The following PTPRK variants were observed in gnomAD, a reference collection of about 807,000 sequenced individuals.
The protein encoded by PTPRK is protein tyrosine phosphatase receptor type K.
In PTPRK, 75 loss-of-function variants were observed where a neutral mutation model predicts 178.0. The ratio of observed to expected loss-of-function variants is 0.42; its 90% CI spans 0.35 to 0.51. The LOEUF is 0.51. Among genes scored for constraint, PTPRK ranks in the 20% least tolerant of loss-of-function variants. The pLI, the probability that PTPRK is intolerant of heterozygous loss-of-function variation, is 0.02. For synonymous variants in PTPRK, 637 were observed against 620.6 expected (o/e 1.03, Z -0.39); for missense variants, 1,441 against 1,797.8 (o/e 0.80, Z 3.59).
chr6:128,055,978 T>A (rs1779818949), intron 13 of PTPRK, among the ~76,000 whole-genome samples: 1 of 151,134 alleles, frequency 6.6e-6, no homozygotes, highest in African/African-American at 2.4e-5. Context: ...CGCTTTTTTT[T>A]CTTTTTCTTT....
At chr6:128,340,732 G>T in intron 2 of PTPRK, 1 of 452,274 alleles carries the variant, frequency 2.2e-6, no homozygotes, top group South Asian at 1.8e-5. Flanking sequence ...AATGCAAATA[G>T]ATTTAAGAGT....
intron 16 of PTPRK, among the ~76,000 whole-genome samples, chr6:127,998,204 G>T (rs775236975): frequency 1.2e-4 from 18 of 152,036 alleles, no homozygotes; most frequent in South Asian, 4.1e-4. Context: ...TACTAGATTT[G>T]CAGTGCTCTA....
chr6:128,410,551 A>G (rs1398516700), intron 1 of PTPRK, among the ~76,000 whole-genome samples: 1 of 152,240 alleles, frequency 6.6e-6, no homozygotes, highest in Admixed American at 6.5e-5. Flanking sequence ...ATTAAAAATC[A>G]CTATGAATGA....
At position 128,492,808 on chromosome 6, in the gene PTPRK, AC is replaced by A. The variant is rs566171726; in HGVS notation, c.100+27450del. Among the ~76,000 whole-genome samples the A allele has an allele frequency of 9.9e-5, 15 of 152,208 alleles. No homozygotes were observed. In the South Asian group the frequency reaches 2.9e-3, roughly 29 times the overall value. On this transcript the variant is annotated intron_variant, in intron 1 of 29. Transcript: ENST00000368226. ...CATCTCCCAATCTTTGCATATGGAA[AC>A]CCTTGCCTTCCAAAAACCCCTTGCT... is the stretch of plus-strand genomic sequence containing the variant.
intron 7 of PTPRK, among the ~76,000 whole-genome samples, chr6:128,112,891 G>A (rs1465975630): frequency 6.6e-6 from 1 of 152,004 alleles, no homozygotes; most frequent in Non-Finnish European, 1.5e-5. Flanking sequence ...AACTCATGTC[G>A]GTAACTGAAT....
At chr6:128,304,025 A>C (rs912520414) in intron 3 of PTPRK, among the ~76,000 whole-genome samples, 3 of 152,176 alleles carry the variant, frequency 2.0e-5, no homozygotes, top group Non-Finnish European at 1.5e-5. Context: ...TTTGGAGCCC[A>C]GGACTTATGC....
At chr6:128,464,826 A>G (rs1388121390) in intron 1 of PTPRK, among the ~76,000 whole-genome samples, 1 of 146,514 alleles carries the variant, frequency 6.8e-6, no homozygotes, top group Non-Finnish European at 1.5e-5. Flanking sequence ...ATAAAATAAG[A>G]TCACTGAGAT....
intron 7 of PTPRK, among the ~76,000 whole-genome samples, chr6:128,184,081 A>T (rs1026281079): frequency 5.3e-5 from 8 of 152,184 alleles, no homozygotes; most frequent in Non-Finnish European, 7.3e-5. Context: ...GTAGTAAAAA[A>T]GTATTCGGTA....
intron 7 of PTPRK, among the ~76,000 whole-genome samples, chr6:128,139,208 A>C (rs1489643564): frequency 6.6e-6 from 1 of 152,088 alleles, no homozygotes; most frequent in African/African-American, 2.4e-5. Flanking sequence ...ATTATGGAGA[A>C]CATTGGATGA....
intron 1 of PTPRK, among the ~76,000 whole-genome samples, chr6:128,447,451 A>G (rs987727001): frequency 2.0e-5 from 3 of 152,206 alleles, no homozygotes. Context: ...AATTTACAGT[A>G]GAAGAAAGTA....
At chr6:128,400,446 G>A (rs889815438) in intron 1 of PTPRK, among the ~76,000 whole-genome samples, 6 of 152,150 alleles carry the variant, frequency 3.9e-5, no homozygotes, top group Admixed American at 6.5e-5. Context: ...AAGTAAATAC[G>A]AAAAGTTTTA....
intron 6 of PTPRK, 113 bp downstream of exon 6, chr6:128,218,809 G>T: frequency 1.1e-6 from 1 of 951,034 alleles, no homozygotes; most frequent in South Asian, 1.9e-5. Context: ...ATTTTTTATA[G>T]TGACTTGACA....
chr6:128,364,950 G>A (rs967454973), intron 2 of PTPRK, among the ~76,000 whole-genome samples: 5 of 152,060 alleles, frequency 3.3e-5, no homozygotes, highest in Admixed American at 6.6e-5. Flanking sequence ...TAATAGAGTC[G>A]ATGACTTCAT....
At chr6:128,143,268 T>C (rs1372383858) in intron 7 of PTPRK, among the ~76,000 whole-genome samples, 1 of 152,094 alleles carries the variant, frequency 6.6e-6, no homozygotes, top group African/African-American at 2.4e-5. Context: ...ATCCCACATA[T>C]TCCTCTCCAA....
intron 1 of PTPRK, among the ~76,000 whole-genome samples, chr6:128,417,804 T>A (rs1843004558): frequency 6.6e-6 from 1 of 152,194 alleles, no homozygotes; most frequent in Admixed American, 6.5e-5. Flanking sequence ...ACAAGCAGAA[T>A]TCCACAGGGA....
chr6:128,083,722 T>G lies in PTPRK; in HGVS notation c.1568A>C (p.Gln523Pro). 1 of 1,580,774 alleles carries G rather than the reference T, an allele frequency of 6.3e-7. No homozygotes were observed. Among genetic ancestry groups the G allele is most frequent in the Non-Finnish European group, 8.7e-7 (1 of 1,154,084 alleles). Residue 523 changes from glutamine (Q) to proline (P), a missense_variant, in exon 9 of 30, where the codon CAA becomes CCA. Transcript: ENST00000368226. ...EPLDPNGIIT[Q>P]YEISYSSIRS... The stretch of plus-strand genomic sequence containing the variant: ...TCCTTGTTCTCCCAATACCTCATAT[T>G]GAGTGATGATTCCATTTGGATCCAA...
At chr6:128,427,205 C>T (rs1246737162) in intron 1 of PTPRK, among the ~76,000 whole-genome samples, 1 of 152,106 alleles carries the variant, frequency 6.6e-6, no homozygotes, top group Non-Finnish European at 1.5e-5. Flanking sequence ...CTCTCTTAAC[C>T]CTCACAATTC....
At chr6:128,514,464 T>C (rs1242720845) in intron 1 of PTPRK, among the ~76,000 whole-genome samples, 1 of 151,756 alleles carries the variant, frequency 6.6e-6, no homozygotes, top group Non-Finnish European at 1.5e-5. Context: ...ATACAAACAA[T>C]AACTCCACTA....
At position 128,397,563 on chromosome 6, in the gene PTPRK, C is replaced by T; in HGVS notation, c.223+3G>A. On this transcript the variant is annotated splice_donor_region_variant and intron_variant, in intron 2 of 29. Coordinates refer to ENST00000368226, the MANE Select transcript of PTPRK (RefSeq NM_002844.4). The stretch of plus-strand genomic sequence containing the variant: ...AACACTGACTAAACAGAGTGACTCT[C>T]ACCTTGGGGCATCTCGGGTGGTAGA... 1 of 1,613,916 alleles carries T rather than the reference C, an allele frequency of 6.2e-7. No individual in the cohort carries two copies. The highest frequency in any genetic ancestry group is 8.5e-7 in the Non-Finnish European group (1 of 1,179,912).
Sources: gnomAD v4.1 joint callset for allele counts (sites outside exome capture counted in the v4.1 genomes callset) on GRCh38, gnomAD v4.1.1 for gene constraint, MANE v1.5 for transcripts, NCBI Gene and HGNC (gene_info 2026-07-23, HGNC 2026-07-21) for gene names.